The following GTF2H5 variants were observed in gnomAD, a reference collection of about 807,000 sequenced individuals.
GTF2H5 encodes general transcription factor IIH subunit 5, also known as TFB5 ortholog.
In GTF2H5, 5 loss-of-function variants were observed where a neutral mutation model predicts 7.1. That is an observed-to-expected ratio of 0.71 (90% confidence interval 0.37 to 1.49). The LOEUF (loss-of-function observed/expected upper bound fraction) is 1.49. GTF2H5 is among the 40% of genes most tolerant of loss of function. The probability of loss-of-function intolerance (pLI) is 0.03; values close to 1 mark genes in which losing one functional copy is unlikely to be tolerated. For synonymous variants in GTF2H5, 30 were observed against 31.7 expected (o/e 0.95, Z 0.18); for missense variants, 80 against 83.0 (o/e 0.96, Z 0.14).
At chr6:158,175,282 G>T (rs1041764679) in intron 2 of GTF2H5, among the ~76,000 whole-genome samples, 1 of 152,032 alleles carries the variant, frequency 6.6e-6, no homozygotes. Context: ...CCTCCTTTTA[G>T]CATGTTGTAT....
Position 158,170,513 on chromosome 6 carries a change from G to A in GTF2H5, c.10G>A (p.Val4Ile). The change falls in exon 2 of 3, where the codon GTC becomes ATC. Residue 4 changes from valine (V) to isoleucine (I), a missense_variant. Physicochemically the swap from Val to Ile is conservative, Grantham distance 29 (BLOSUM62 3). Transcript: ENST00000607778. ...AACCTTCTGAGAAAACATGGTCAAC[G>A]TCTTGAAAGGAGTGCTTATAGAATG... MVNVLKGVLIECDP... is the reference protein window; with the variant it reads MVNILKGVLIECDP... 1 of 1,609,848 alleles carries A rather than the reference G, an allele frequency of 6.2e-7. No individual in the cohort carries two copies. Among genetic ancestry groups the A allele is most frequent in the Non-Finnish European group, 8.5e-7 (1 of 1,176,090 alleles).
At chr6:158,180,919 T>C (rs1246570652) in intron 2 of GTF2H5, among the ~76,000 whole-genome samples, 3 of 152,048 alleles carry the variant, frequency 2.0e-5, no homozygotes, top group African/African-American at 7.2e-5. Context: ...TGCTAGGTTT[T>C]GAATTTGTTT....
In GTF2H5 at chr6:158,192,488, A is replaced by G; in HGVS notation, c.*331A>G. The G allele has an allele frequency of 3.3e-6, 1 of 302,784 alleles. No individual in the cohort carries two copies. The highest frequency in any genetic ancestry group is 6.3e-6 in the Non-Finnish European group (1 of 158,068). 18.8% of individuals were successfully genotyped at this position (302,784 alleles called of 1,614,324 possible). A position where few individuals can be genotyped will look rare whatever the true frequency, so the allele number is the denominator to read the frequency against. ...TTTTGCTCATCCCTGTGATCTGTGC[A>G]TTTTTGCTGCGTGGATGTGATTGTT... On this transcript the variant is annotated 3_prime_UTR_variant, in exon 3 of 3. Coordinates refer to ENST00000607778, the MANE Select transcript of GTF2H5 (RefSeq NM_207118.3).
At chr6:158,175,009 GAT>G (rs1491255548) in intron 2 of GTF2H5, among the ~76,000 whole-genome samples, 32 of 77,846 alleles carry the variant, frequency 4.1e-4, no homozygotes, top group South Asian at 1.6e-3. Context: ...CTGTGCCTGA[GAT>G]GTGTGTGTGT....
intron 2 of GTF2H5, among the ~76,000 whole-genome samples, chr6:158,177,443 G>A (rs757593200): frequency 2.0e-5 from 3 of 152,114 alleles, no homozygotes; most frequent in East Asian, 3.9e-4. Context: ...AGAACTCTGC[G>A]GCTGACCCCC....
chr6:158,169,495 T>TA (rs1554266983), intron 1 of GTF2H5, among the ~76,000 whole-genome samples: 36 of 54,408 alleles, frequency 6.6e-4, no homozygotes, highest in East Asian at 8.2e-4. Flanking sequence ...ATATTGTATA[T>TA]TATATAATAT....
chr6:158,191,868 A>G, intron 2 of GTF2H5, 109 bp from the exon 3 acceptor site: 1 of 848,504 alleles, frequency 1.2e-6, no homozygotes, highest in Non-Finnish European at 2.0e-6. Context: ...TGAGTAACAG[A>G]ACTTTAAAAA....
intron 2 of GTF2H5, among the ~76,000 whole-genome samples, chr6:158,189,425 C>G (rs965219007): frequency 3.9e-5 from 6 of 152,160 alleles, no homozygotes; most frequent in Non-Finnish European, 7.4e-5. Flanking sequence ...GTGGGTAGTC[C>G]TTTAGATACC....
At chr6:158,175,755 C>T (rs1298989328) in intron 2 of GTF2H5, among the ~76,000 whole-genome samples, 2 of 151,178 alleles carry the variant, frequency 1.3e-5, no homozygotes, top group Non-Finnish European at 1.5e-5. Context: ...CACAGTGAGA[C>T]CCCATTTCAA....
intron 2 of GTF2H5, among the ~76,000 whole-genome samples, chr6:158,184,657 T>G (rs10946136): frequency 0.15 from 23,038 of 152,134 alleles, 2,593 homozygotes; most frequent in East Asian, 0.42. Context: ...GAAATAAACC[T>G]AAGACAGTCT....
chr6:158,174,664 T>A (rs945745097), intron 2 of GTF2H5, among the ~76,000 whole-genome samples: 2 of 152,204 alleles, frequency 1.3e-5, no homozygotes, highest in African/African-American at 4.8e-5. Flanking sequence ...CCACAGTATG[T>A]CTGTGTCCAG....
chr6:158,172,489 G>A (rs2128429081), intron 2 of GTF2H5, among the ~76,000 whole-genome samples: 1 of 151,930 alleles, frequency 6.6e-6, no homozygotes, highest in African/African-American at 2.4e-5. Flanking sequence ...TAGTAGAAAT[G>A]GGGTTTCACC....
Position 158,192,243 on chromosome 6 carries a change from T to TA in GTF2H5, c.*87dup. The TA allele has an allele frequency of 1.9e-6, 2 of 1,056,546 alleles. No homozygotes were observed. Among genetic ancestry groups the TA allele is most frequent in the Admixed American group, 1.8e-5 (1 of 56,352 alleles). The allele number at this position is 1,056,546 out of a possible 1,614,324, so 65.4% of individuals were successfully genotyped here. A position where few individuals can be genotyped will look rare whatever the true frequency, so the allele number is the denominator to read the frequency against. On this transcript the variant is annotated 3_prime_UTR_variant, in exon 3 of 3. Coordinates refer to ENST00000607778, the MANE Select transcript of GTF2H5 (RefSeq NM_207118.3). Reference sequence around the variant, plus strand: ...AATATCTTAGGTGACTGATTAGACATAGAGGGTTGTTTTAGGAGCATGCCA... The same window carrying TA: ...AATATCTTAGGTGACTGATTAGACATAAGAGGGTTGTTTTAGGAGCATGCCA...
At chr6:158,169,559 T>C (rs186380149) in intron 1 of GTF2H5, among the ~76,000 whole-genome samples, 7,745 of 67,772 alleles carry the variant, frequency 0.11, 1,835 homozygotes, top group African/African-American at 0.24. Flanking sequence ...CTGTATATTA[T>C]ATATAATATA....
intron 2 of GTF2H5, among the ~76,000 whole-genome samples, chr6:158,180,091 T>A (rs1024943390): frequency 6.6e-6 from 1 of 152,234 alleles, no homozygotes; most frequent in Non-Finnish European, 1.5e-5. Flanking sequence ...TTTCTGCTGT[T>A]GAATTTTGTC....
rs561215990 is a variant in GTF2H5 at position 158,181,684 on chromosome 6, C to A, written c.36-10293C>A. Among the ~76,000 whole-genome samples the A allele has an allele frequency of 7.8e-4, 118 of 151,490 alleles. 1 individual carries two copies. The highest frequency in any genetic ancestry group is 2.7e-3 in the African/African-American group (112 of 41,330). On this transcript the variant is annotated intron_variant, in intron 2 of 2. Transcript: ENST00000607778. ...TTAAAGTCTGTTTTTAATCAGAGAC[C>A]AGGATTGCAACCTCTGCTTTTTTTT...
At chr6:158,175,533 G>A (rs1003757840) in intron 2 of GTF2H5, among the ~76,000 whole-genome samples, 6 of 152,234 alleles carry the variant, frequency 3.9e-5, no homozygotes, top group African/African-American at 1.2e-4. Context: ...GGAGGCTGAG[G>A]CGGGTGGATG....
In GTF2H5 at chr6:158,197,764, T is replaced by C. The variant is rs1777135364; in HGVS notation, c.*5607T>C. ...AAGGGCAGTTTAGCTAGAATTTCTATCAAAAATCATTAGGTATCCATCTCC... is the reference window on the plus strand; with the variant it reads ...AAGGGCAGTTTAGCTAGAATTTCTACCAAAAATCATTAGGTATCCATCTCC... On this transcript the variant is annotated 3_prime_UTR_variant, in exon 3 of 3. Coordinates refer to ENST00000607778, the MANE Select transcript of GTF2H5 (RefSeq NM_207118.3). 6.6e-6 allele frequency: 1 copy of C among 152,152 alleles called. No individual in the cohort carries two copies. The highest frequency in any genetic ancestry group is 2.4e-5 in the African/African-American group (1 of 41,442). 9.4% of individuals were successfully genotyped at this position (152,152 alleles called of 1,614,324 possible).
intron 2 of GTF2H5, among the ~76,000 whole-genome samples, chr6:158,185,607 G>A (rs1232356132): frequency 1.3e-5 from 2 of 151,740 alleles, no homozygotes; most frequent in African/African-American, 4.8e-5. Context: ...TCACTGGCCA[G>A]TCATTCCTCT....
Sources: allele counts gnomAD v4.1 joint callset (sites outside exome capture counted in the v4.1 genomes callset), GRCh38; gene constraint gnomAD v4.1.1; transcripts MANE v1.5; gene names NCBI Gene and HGNC (gene_info 2026-07-23, HGNC 2026-07-21).